Variants in COLQ observed in about 807,000 individuals in gnomAD.
The protein encoded by COLQ is acetylcholinesterase collagenic tail peptide.
A neutral mutation model predicts 69.0 loss-of-function variants in COLQ; 48 were observed. The observed-to-expected ratio is 0.70, with a 90% CI of 0.55 to 0.88. COLQ has a LOEUF of 0.88. Ranked by LOEUF, COLQ falls within the 40% of genes least tolerant of loss-of-function variation. The pLI is 0.00. For missense variants in COLQ, 618 were observed against 594.6 expected, an observed-to-expected ratio of 1.04 and a Z score of -0.41; for synonymous variants, 217 against 211.2, an observed-to-expected ratio of 1.03 and a Z score of -0.24.
chr3:15,499,472 A>T (rs868248360), intron 1 of COLQ, among the ~76,000 whole-genome samples: 3 of 152,332 alleles, frequency 2.0e-5, no homozygotes, highest in Admixed American at 2.0e-4. Context: ...TCTCCGTTAC[A>T]ACCTCACTTT....
At chr3:15,500,399 A>AC (rs565356751) in intron 1 of COLQ, among the ~76,000 whole-genome samples, 3 of 152,076 alleles carry the variant, frequency 2.0e-5, no homozygotes, top group Non-Finnish European at 4.4e-5. Flanking sequence ...CATTTCGCAA[A>AC]CCTTCAGAGA....
At chr3:15,494,488 T>A (rs1420130375) in intron 1 of COLQ, among the ~76,000 whole-genome samples, 1 of 152,128 alleles carries the variant, frequency 6.6e-6, no homozygotes, top group Non-Finnish European at 1.5e-5. Context: ...TAGACATTTA[T>A]TCATTTGAGC....
At chr3:15,491,516 C>T (rs1016884641) in intron 1 of COLQ, among the ~76,000 whole-genome samples, 12 of 152,230 alleles carry the variant, frequency 7.9e-5, no homozygotes, top group African/African-American at 1.9e-4. Flanking sequence ...GTCGCCAGGT[C>T]GTGCGGTGTC....
chr3:15,451,358 A>G lies in COLQ; in HGVS notation c.*286T>C. 1 of 583,716 alleles carries G rather than the reference A, an allele frequency of 1.7e-6. No homozygotes were observed. Among genetic ancestry groups the G allele is most frequent in the Non-Finnish European group, 3.1e-6 (1 of 317,902 alleles). 36.2% of individuals were successfully genotyped at this position (583,716 alleles called of 1,614,324 possible). ...GCCTGGGTCAGCAACATTCCAGAAGAGGAAGAGCATTGTAGCCGGTTGTTT... is the reference window on the plus strand; with the variant it reads ...GCCTGGGTCAGCAACATTCCAGAAGGGGAAGAGCATTGTAGCCGGTTGTTT... On this transcript the variant is annotated 3_prime_UTR_variant, in exon 17 of 17. Transcript: ENST00000383788.
At chr3:15,479,135 G>C (rs986076394) in intron 4 of COLQ, 132 bp from the exon 5 acceptor site, 27 of 1,226,880 alleles carry the variant, frequency 2.2e-5, no homozygotes, top group Middle Eastern at 1.9e-4. Flanking sequence ...CGGCCCCTCT[G>C]CCATGTCGAT....
intron 5 of COLQ, 130 bp downstream of exon 5, chr3:15,478,847 G>T: frequency 3.6e-6 from 4 of 1,096,244 alleles, no homozygotes; most frequent in Non-Finnish European, 4.2e-6. Context: ...CGAGACAGCA[G>T]CACCATCACT....
At chr3:15,514,845 C>T (rs928277359) in intron 1 of COLQ, among the ~76,000 whole-genome samples, 2 of 152,326 alleles carry the variant, frequency 1.3e-5, no homozygotes, top group Admixed American at 1.3e-4. Flanking sequence ...CAGTGATGGC[C>T]AGAACGTGCG....
intron 1 of COLQ, among the ~76,000 whole-genome samples, chr3:15,510,460 G>T (rs2062969912): frequency 6.8e-6 from 1 of 147,200 alleles, no homozygotes; most frequent in African/African-American, 2.6e-5. Context: ...TATAATCCCA[G>T]CACTTTGGGA....
Position 15,521,670 on chromosome 3 carries a change from G to A in COLQ, c.-45C>T. 1 of 1,612,112 alleles carries A rather than the reference G, an allele frequency of 6.2e-7. No homozygotes were observed. Among genetic ancestry groups the A allele is most frequent in the Non-Finnish European group, 8.5e-7 (1 of 1,179,310 alleles). The stretch of plus-strand genomic sequence containing the variant: ...GGGTCAAGTTAGAAAGGAGGCTGCT[G>A]CGGAGCCTTGCTTATCTCTGCTTTT... On this transcript the variant is annotated 5_prime_UTR_variant, in exon 1 of 17. Coordinates refer to ENST00000383788, the MANE Select transcript of COLQ (RefSeq NM_005677.4).
chr3:15,515,584 C>G (rs2063049917), intron 1 of COLQ, among the ~76,000 whole-genome samples: 1 of 152,112 alleles, frequency 6.6e-6, no homozygotes, highest in Non-Finnish European at 1.5e-5. Flanking sequence ...CTGAGGCAGA[C>G]AGATCACAAG....
intron 3 of COLQ, among the ~76,000 whole-genome samples, chr3:15,485,502 G>A (rs545044563): frequency 3.3e-5 from 5 of 152,184 alleles, no homozygotes; most frequent in East Asian, 1.9e-4. Context: ...CTTCCTATTC[G>A]GCTGTCTTGG....
chr3:15,498,998 G>A (rs1275748415), intron 1 of COLQ: 18 of 1,111,194 alleles, frequency 1.6e-5, no homozygotes, highest in Non-Finnish European at 2.0e-5. Flanking sequence ...AGTATTGACT[G>A]CTCTGGTAAG....
At chr3:15,488,330 G>C (rs776049805) in intron 2 of COLQ, 23 bp from the exon 3 acceptor site, 1 of 1,601,506 alleles carries the variant, frequency 6.2e-7, no homozygotes, top group Non-Finnish European at 8.5e-7. Context: ...GCAACACAGA[G>C]TTAGAGGTCA....
intron 11 of COLQ, among the ~76,000 whole-genome samples, chr3:15,469,617 T>C (rs1204537852): frequency 6.6e-6 from 1 of 152,210 alleles, no homozygotes; most frequent in Non-Finnish European, 1.5e-5. Flanking sequence ...CATAGTGTTA[T>C]TATGGTTCTG....
intron 1 of COLQ, among the ~76,000 whole-genome samples, chr3:15,512,998 T>C (rs2063007300): frequency 6.6e-6 from 1 of 152,246 alleles, no homozygotes. Flanking sequence ...ATGTGGAATG[T>C]TGACCCAGGC....
At chr3:15,515,682 T>C (rs1237935546) in intron 1 of COLQ, among the ~76,000 whole-genome samples, 1 of 152,096 alleles carries the variant, frequency 6.6e-6, no homozygotes, top group Non-Finnish European at 1.5e-5. Flanking sequence ...GGTGGGAGCC[T>C]GTAATCCCAG....
In COLQ at chr3:15,475,498, T is replaced by C. The variant is rs938324676; in HGVS notation, c.466-11A>G. The C allele has an allele frequency of 4.4e-6, 7 of 1,587,304 alleles. No individual in the cohort carries two copies. Among genetic ancestry groups the C allele is most frequent in the African/African-American group, 1.3e-5 (1 of 74,518 alleles). ...GTCACCTTTTTCACCCTGTGGGAATTAGAAGAAGAAAAGACCCACGGTGAT... is the reference window on the plus strand; with the variant it reads ...GTCACCTTTTTCACCCTGTGGGAATCAGAAGAAGAAAAGACCCACGGTGAT... On this transcript the variant is annotated splice_polypyrimidine_tract_variant and intron_variant, in intron 6 of 16. Coordinates refer to ENST00000383788, the MANE Select transcript of COLQ (RefSeq NM_005677.4).
At chr3:15,512,464 G>C (rs1427129563) in intron 1 of COLQ, among the ~76,000 whole-genome samples, 1 of 152,186 alleles carries the variant, frequency 6.6e-6, no homozygotes, top group Non-Finnish European at 1.5e-5. Flanking sequence ...AAAGCATCTG[G>C]GGAAGCCGGT....
intron 13 of COLQ, among the ~76,000 whole-genome samples, chr3:15,457,769 C>T (rs1033753325): frequency 9.2e-5 from 14 of 152,064 alleles, no homozygotes; most frequent in Admixed American, 3.3e-4. Flanking sequence ...TGCACCACCG[C>T]GCCCGGCTAA....
Sources: gnomAD v4.1 joint callset for allele counts (sites outside exome capture counted in the v4.1 genomes callset) on GRCh38, gnomAD v4.1.1 for gene constraint, MANE v1.5 for transcripts, NCBI Gene and HGNC (gene_info 2026-07-23, HGNC 2026-07-21) for gene names.